RYR3: variants seen among roughly 807,000 people sequenced by gnomAD.
RYR3 encodes the protein brain ryanodine receptor-calcium release channel.
Under a neutral mutation model 584.3 loss-of-function variants are expected in RYR3, and 207 were observed. That is an observed-to-expected ratio of 0.35 (90% CI 0.32 to 0.40). The LOEUF is 0.40. Ranked by LOEUF, RYR3 falls within the 10% of genes least tolerant of loss-of-function variation. The pLI, the probability that RYR3 is intolerant of heterozygous loss-of-function variation, is 1.00. For synonymous variants in RYR3, 2,416 were observed against 2,248.5 expected (o/e 1.07, Z -2.11); for missense variants, 5,616 against 6,089.2 (o/e 0.92, Z 2.59).
At chr15:33,532,365 A>T (rs574698044) in intron 4 of RYR3, among the ~76,000 whole-genome samples, 8 of 152,178 alleles carry the variant, frequency 5.3e-5, no homozygotes, top group African/African-American at 1.9e-4. Context: ...AAAAACCAAA[A>T]ACAGAAGGTC....
At chr15:33,560,206 A>C (rs931224291) in intron 10 of RYR3, among the ~76,000 whole-genome samples, 2 of 152,160 alleles carry the variant, frequency 1.3e-5, no homozygotes, top group Non-Finnish European at 2.9e-5. Context: ...CGAGCTCTTT[A>C]ATTTCCTTTA....
At chr15:33,701,713 G>A (rs1249915510) in intron 42 of RYR3, among the ~76,000 whole-genome samples, 1 of 152,088 alleles carries the variant, frequency 6.6e-6, no homozygotes, top group African/African-American at 2.4e-5. Context: ...ATTATGTAGG[G>A]GGTTTGGGAG....
At chr15:33,664,852 C>A (rs2063405319) in intron 36 of RYR3, among the ~76,000 whole-genome samples, 1 of 152,012 alleles carries the variant, frequency 6.6e-6, no homozygotes, top group African/African-American at 2.4e-5. Context: ...AATTACTTTC[C>A]TAACCTATTT....
At chr15:33,414,690 C>T (rs2596216) in intron 1 of RYR3, among the ~76,000 whole-genome samples, 26,195 of 152,084 alleles carry the variant, frequency 0.17, 4,034 homozygotes, top group African/African-American at 0.41. Flanking sequence ...CTGCAAGCTC[C>T]GCCTCCTGGG....
chr15:33,479,055 C>G (rs2049705980), intron 2 of RYR3, among the ~76,000 whole-genome samples: 1 of 151,598 alleles, frequency 6.6e-6, no homozygotes, highest in Non-Finnish European at 1.5e-5. Flanking sequence ...GTTTTCAAAT[C>G]CAATGGAAAT....
intron 1 of RYR3, among the ~76,000 whole-genome samples, chr15:33,382,927 G>T (rs1471853333): frequency 6.9e-6 from 1 of 145,342 alleles, no homozygotes; most frequent in African/African-American, 2.6e-5. Flanking sequence ...ACCTGTAGCT[G>T]TATTATCATG....
At chr15:33,540,931 C>T (rs752678061) in intron 7 of RYR3, 41 bp downstream of exon 7, 5 of 1,262,650 alleles carry the variant, frequency 4.0e-6, no homozygotes. Context: ...GCCTGCCTAT[C>T]TCTCTTGAGC....
chr15:33,575,830 G>T (rs981909668), intron 12 of RYR3, among the ~76,000 whole-genome samples: 7 of 138,542 alleles, frequency 5.1e-5, no homozygotes, highest in South Asian at 2.1e-4. Flanking sequence ...ACAGGAGCTG[G>T]TTTTAAAAAA....
chr15:33,481,563 C>A (rs1218315149), intron 2 of RYR3, among the ~76,000 whole-genome samples: 1 of 152,156 alleles, frequency 6.6e-6, no homozygotes, highest in Admixed American at 6.5e-5. Context: ...TCACTGCAAC[C>A]TCTGCCTCCT....
chr15:33,629,506 A>G (rs879645550), intron 21 of RYR3, among the ~76,000 whole-genome samples: 8 of 152,254 alleles, frequency 5.3e-5, no homozygotes, highest in Non-Finnish European at 1.2e-4. Flanking sequence ...TAATGTGGCT[A>G]CTAGAAAATT....
intron 19 of RYR3, among the ~76,000 whole-genome samples, chr15:33,621,300 G>A (rs960275669): frequency 6.6e-6 from 1 of 152,152 alleles, no homozygotes. Context: ...AAGCTACTAG[G>A]CATTCAGCTG....
At chr15:33,429,614 C>G (rs1365135636) in intron 1 of RYR3, among the ~76,000 whole-genome samples, 2 of 152,216 alleles carry the variant, frequency 1.3e-5, no homozygotes, top group Non-Finnish European at 2.9e-5. Context: ...CACAGCTCAG[C>G]ACTCTGAATG....
intron 1 of RYR3, among the ~76,000 whole-genome samples, chr15:33,355,199 A>AC (rs1973805613): frequency 1.3e-5 from 2 of 151,656 alleles, no homozygotes; most frequent in Non-Finnish European, 2.9e-5. Flanking sequence ...AAAAAAAAAA[A>AC]ATCATGTATT....
intron 1 of RYR3, among the ~76,000 whole-genome samples, chr15:33,470,426 G>T (rs1385860977): frequency 6.6e-6 from 1 of 151,622 alleles, no homozygotes; most frequent in Non-Finnish European, 1.5e-5. Context: ...TACATTTATA[G>T]TGGCATAAAA....
At chr15:33,770,355 A>G (rs1171328178) in intron 62 of RYR3, among the ~76,000 whole-genome samples, 1 of 152,186 alleles carries the variant, frequency 6.6e-6, no homozygotes, top group Admixed American at 6.5e-5. Context: ...GAGAGAGTCC[A>G]GTTTTTTGTT....
chr15:33,820,066 G>A (rs1029856353), intron 77 of RYR3, among the ~76,000 whole-genome samples: 2 of 152,192 alleles, frequency 1.3e-5, no homozygotes, highest in African/African-American at 4.8e-5. Flanking sequence ...CCAGCTAAAT[G>A]GGGCTTAGGC....
At chr15:33,617,947 G>A (rs2060533866) in intron 19 of RYR3, among the ~76,000 whole-genome samples, 1 of 152,090 alleles carries the variant, frequency 6.6e-6, no homozygotes, top group African/African-American at 2.4e-5. Flanking sequence ...AGTATTGTTA[G>A]TGCAGTAGGC....
chr15:33,688,533 A>G (rs916922040), intron 38 of RYR3, among the ~76,000 whole-genome samples: 3 of 148,776 alleles, frequency 2.0e-5, no homozygotes, highest in African/African-American at 5.0e-5. Context: ...AGATTGCGCC[A>G]CTGCACTCCA....
At position 33,821,552 on chromosome 15, in the gene RYR3, C is replaced by T. The variant is rs749587697; in HGVS notation, c.10945C>T (p.Leu3649=). 2.5e-6 allele frequency: 4 copies of T among 1,614,030 alleles called. No homozygotes were observed. The highest frequency in any genetic ancestry group is 1.7e-6 in the Non-Finnish European group (2 of 1,179,900). The change falls in exon 80 of 104, where the codon CTG becomes TTG. Residue 3649 remains leucine, a synonymous_variant. Coordinates refer to ENST00000634891, the MANE Select transcript of RYR3 (RefSeq NM_001036.6). ...GATGAGCCCCATGGTGGTTGAGACGCTGAAGCTGGGGATCGCCATTCTGAA... is the reference window on the plus strand; with the variant it reads ...GATGAGCCCCATGGTGGTTGAGACGTTGAAGCTGGGGATCGCCATTCTGAA... ...GEMSPMVVET[L]KLGIAILNGG... is the part of the protein sequence containing the mutation.
Sources: allele counts gnomAD v4.1 joint callset (sites outside exome capture counted in the v4.1 genomes callset), GRCh38; gene constraint gnomAD v4.1.1; transcripts MANE v1.5; gene names NCBI Gene and HGNC (gene_info 2026-07-23, HGNC 2026-07-21).